Variants in HUWE1 observed in about 807,000 individuals in gnomAD.
The protein encoded by HUWE1 is E3 ubiquitin-protein ligase HUWE1.
Under a neutral mutation model 299.4 loss-of-function variants are expected in HUWE1, and 18 were observed. The ratio of observed to expected loss-of-function variants is 0.06; its 90% CI spans 0.04 to 0.09. The LOEUF (loss-of-function observed/expected upper bound fraction) is 0.09. HUWE1 is among the 10% of genes least tolerant of loss of function. The pLI is 1.00. For synonymous variants in HUWE1, 1,317 were observed against 1,286.1 expected (o/e 1.02, Z -0.51); for missense variants, 1,832 against 3,462.3 (o/e 0.53, Z 11.82).
chrX:53,670,033 C>G lies in HUWE1; in HGVS notation c.-25+10016G>C, dbSNP rs781994204. On this transcript the variant is annotated intron_variant, in intron 3 of 83. Coordinates refer to ENST00000262854, the MANE Select transcript of HUWE1 (RefSeq NM_031407.7). ...CTTTAATTTGAAAAAGTTTTACAAGCAGGAAATTCAGTCTCATCTACTGAT... is the reference window on the plus strand; with the variant it reads ...CTTTAATTTGAAAAAGTTTTACAAGGAGGAAATTCAGTCTCATCTACTGAT... 2.7e-5 allele frequency among the ~76,000 whole-genome samples: 3 copies of G among 111,844 alleles called. No individual in the cohort carries two copies. The Admixed American group carries it at 2.8e-4, about 11-fold the overall frequency.
chrX:53,534,408 C>G, intron 82 of HUWE1, 108 bp downstream of exon 82: 1 of 761,851 alleles, frequency 1.3e-6, no homozygotes, highest in Non-Finnish European at 2.0e-6. Context: ...AGACTGTCTT[C>G]TACATGCAAC....
rs139135300 is a variant in HUWE1, at chrX:53,580,826, C to T, written c.5716+5G>A. 2.1e-3 allele frequency: 2,541 copies of T among 1,209,562 alleles called. 43 individuals are homozygous for T. The African/African-American group carries it at 0.04, about 19-fold the overall frequency. ...TATCAAAGGCCAGGAGCAAGCGAAA[C>T]TTACCAGTTCCTGAGCCTCGAGGGG... On this transcript the variant is annotated splice_donor_5th_base_variant and intron_variant, in intron 43 of 83. Transcript: ENST00000262854.
chrX:53,534,180 T>C lies in HUWE1; in HGVS notation c.12849A>G (p.Arg4283=), dbSNP rs781930482. 1 of 1,206,761 alleles carries C rather than the reference T, an allele frequency of 8.3e-7. No homozygotes were observed. Among genetic ancestry groups the C allele is most frequent in the Non-Finnish European group, 1.1e-6 (1 of 893,571 alleles). The change falls in exon 83 of 84, where the codon AGA becomes AGG. Residue 4283 remains arginine (R), a synonymous_variant. Transcript: ENST00000262854. ...CAGCTTGATCGAAAGAACGCAATGC[T>C]CTCCAGAACCACTGGATCTGTAGGA... The part of the protein sequence containing the change: ...SNSIQIQWFW[R]ALRSFDQADR...
At chrX:53,599,448 G>A (rs782116684) in intron 29 of HUWE1, among the ~76,000 whole-genome samples, 5 of 111,263 alleles carry the variant, frequency 4.5e-5, no homozygotes, top group East Asian at 5.6e-4. Flanking sequence ...AGAAAGTGAC[G>A]ACAATTTACG....
chrX:53,679,315 A>T (rs1468376224), intron 3 of HUWE1, among the ~76,000 whole-genome samples: 1 of 112,454 alleles, frequency 8.9e-6, no homozygotes, highest in Non-Finnish European at 1.9e-5. Flanking sequence ...AAAAATCAGA[A>T]ATCTGAACAT....
chrX:53,634,443 C>A, intron 7 of HUWE1, 145 bp from the exon 8 acceptor site: 1 of 489,721 alleles, frequency 2.0e-6, no homozygotes, highest in Admixed American at 3.0e-5. Context: ...GAGTGTGTGG[C>A]TGCTTGGAAC....
intron 2 of HUWE1, among the ~76,000 whole-genome samples, chrX:53,682,972 T>G (rs1404304692): frequency 1.8e-5 from 2 of 111,928 alleles, no homozygotes. Flanking sequence ...TTTAGCAGCA[T>G]GCAGAGCTAA....
At chrX:53,655,649 G>A (rs187350684) in intron 3 of HUWE1, among the ~76,000 whole-genome samples, 2 of 111,646 alleles carry the variant, frequency 1.8e-5, no homozygotes, top group East Asian at 2.8e-4. Context: ...CTATTTGTAC[G>A]CTTACTCTCA....
At chrX:53,535,350 TGAGCAACTA>T (rs1556911568) in intron 81 of HUWE1, 25 bp downstream of exon 81, 2 of 908,495 alleles carry the variant, frequency 2.2e-6, no homozygotes, top group Non-Finnish European at 3.2e-6. Flanking sequence ...CTTCTCATAT[TGAGCAACTA>T]GAGGTCTAGG....
chrX:53,552,163 G>A, intron 63 of HUWE1, 148 bp downstream of exon 63: 1 of 601,591 alleles, frequency 1.7e-6, no homozygotes, highest in African/African-American at 2.2e-5. Flanking sequence ...GTTTCATTAT[G>A]CCATACCAGC....
chrX:53,556,819 A>G (rs1456010585), intron 60 of HUWE1, among the ~76,000 whole-genome samples: 1 of 112,619 alleles, frequency 8.9e-6, no homozygotes, highest in East Asian at 2.8e-4. Context: ...AAAACATCCA[A>G]TCAACATCAT....
chrX:53,593,230 G>GT, intron 32 of HUWE1, 134 bp downstream of exon 32: 2 of 507,248 alleles, frequency 3.9e-6, no homozygotes. Context: ...ATTCCCTTAC[G>GT]TAAGGCAGCC....
At chrX:53,543,727 T>C (rs2061443260) in intron 73 of HUWE1, 114 bp downstream of exon 73, 2 of 1,075,938 alleles carry the variant, frequency 1.9e-6, no homozygotes, top group Non-Finnish European at 1.3e-6. Context: ...AGCATTCATA[T>C]AGCAAACTTA....
chrX:53,545,289 T>G (rs2061498363), intron 70 of HUWE1, 128 bp from the exon 71 acceptor site: 1 of 663,264 alleles, frequency 1.5e-6, no homozygotes, highest in Non-Finnish European at 2.4e-6. Context: ...TAGAGTGAGC[T>G]GGAATCGTGC....
At chrX:53,648,403 A>C (rs943700372) in intron 4 of HUWE1, 93 bp from the exon 5 acceptor site, 6 of 533,770 alleles carry the variant, frequency 1.1e-5, no homozygotes, top group Non-Finnish European at 2.0e-5. Flanking sequence ...CTCACACAGC[A>C]ATTTTCCTTT....
At chrX:53,535,563 T>G (rs782399523) in intron 80 of HUWE1, 62 bp from the exon 81 acceptor site, 109 of 743,824 alleles carry the variant, frequency 1.5e-4, no homozygotes, top group Non-Finnish European at 2.2e-4. Flanking sequence ...ATTAGATACC[T>G]AGGAACACAC....
intron 11 of HUWE1, 114 bp downstream of exon 11, chrX:53,631,300 G>C: frequency 1.6e-6 from 1 of 615,763 alleles, no homozygotes; most frequent in Non-Finnish European, 2.6e-6. Context: ...TTTGCCCATG[G>C]TCTGACTCCA....
intron 60 of HUWE1, among the ~76,000 whole-genome samples, chrX:53,555,449 C>T (rs1556933623): frequency 1.8e-5 from 2 of 109,178 alleles, no homozygotes; most frequent in African/African-American, 6.7e-5. Context: ...CCTCAGCCTC[C>T]CAAGTAGCTG....
chrX:53,670,473 T>C (rs1235333005), intron 3 of HUWE1, among the ~76,000 whole-genome samples: 1 of 111,563 alleles, frequency 9.0e-6, no homozygotes, highest in Non-Finnish European at 1.9e-5. Flanking sequence ...ATATGGATAA[T>C]AGGAAATATA....
Sources: allele counts gnomAD v4.1 joint callset (sites outside exome capture counted in the v4.1 genomes callset), GRCh38; gene constraint gnomAD v4.1.1; transcripts MANE v1.5; gene names NCBI Gene and HGNC (gene_info 2026-07-23, HGNC 2026-07-21).